FHIT: variants seen among roughly 807,000 people sequenced by gnomAD.
FHIT encodes bis(5'-adenosyl)-triphosphatase.
A neutral mutation model predicts 17.9 loss-of-function variants in FHIT; 19 were observed. The ratio of observed to expected loss-of-function variants is 1.06; its 90% CI spans 0.74 to 1.56. FHIT has a LOEUF of 1.56. FHIT is among the 40% of genes most tolerant of loss of function. The probability of loss-of-function intolerance (pLI) is 0.00; values close to 1 mark genes in which losing one functional copy is unlikely to be tolerated. For synonymous variants in FHIT, 81 were observed against 69.7 expected, an observed-to-expected ratio of 1.16 and a Z score of -0.81; for missense variants, 248 against 189.2, an observed-to-expected ratio of 1.31 and a Z score of -1.82.
intron 2 of FHIT, among the ~76,000 whole-genome samples, chr3:61,195,139 T>A (rs1021140198): frequency 6.6e-6 from 1 of 151,700 alleles, no homozygotes; most frequent in East Asian, 1.9e-4. Context: ...AAAAAAAAAG[T>A]CCCTTAAAGG....
intron 5 of FHIT, among the ~76,000 whole-genome samples, chr3:60,506,877 C>T (rs1451025791): frequency 6.6e-6 from 1 of 152,090 alleles, no homozygotes; most frequent in Non-Finnish European, 1.5e-5. Context: ...ACCAAGATTC[C>T]AGGTTGTTGC....
At chr3:61,167,863 C>T (rs1460223538) in intron 2 of FHIT, among the ~76,000 whole-genome samples, 1 of 152,104 alleles carries the variant, frequency 6.6e-6, no homozygotes, top group Non-Finnish European at 1.5e-5. Flanking sequence ...TAGGGATCAT[C>T]CACATTTTAC....
At chr3:61,032,449 C>G (rs534650470) in intron 3 of FHIT, among the ~76,000 whole-genome samples, 1 of 152,270 alleles carries the variant, frequency 6.6e-6, no homozygotes, top group South Asian at 2.1e-4. Flanking sequence ...ATCCTGAAGC[C>G]AGAGCACCTA....
chr3:61,179,065 C>T (rs990312677), intron 2 of FHIT, among the ~76,000 whole-genome samples: 4 of 140,056 alleles, frequency 2.9e-5, no homozygotes, highest in Admixed American at 7.7e-5. Context: ...GGATGGAATG[C>T]AGCAGTGCGA....
At chr3:60,708,557 A>C (rs1185697524) in intron 4 of FHIT, among the ~76,000 whole-genome samples, 4 of 152,200 alleles carry the variant, frequency 2.6e-5, no homozygotes, top group African/African-American at 4.8e-5. Flanking sequence ...GTGAAACCCT[A>C]TCCTGTAATT....
chr3:60,717,143 G>A (rs2041703018), intron 4 of FHIT, among the ~76,000 whole-genome samples: 1 of 152,168 alleles, frequency 6.6e-6, no homozygotes, highest in Non-Finnish European at 1.5e-5. Flanking sequence ...GGGCTGTGGT[G>A]TGGGAGAGGA....
At chr3:60,559,980 G>A (rs1021346586) in intron 4 of FHIT, among the ~76,000 whole-genome samples, 1 of 152,122 alleles carries the variant, frequency 6.6e-6, no homozygotes, top group Non-Finnish European at 1.5e-5. Flanking sequence ...AGAGCCCTAA[G>A]TTTAAACAAG....
chr3:60,168,949 G>T (rs1484301066), intron 5 of FHIT, among the ~76,000 whole-genome samples: 1 of 152,172 alleles, frequency 6.6e-6, no homozygotes, highest in Non-Finnish European at 1.5e-5. Flanking sequence ...GACATATCGG[G>T]ATGTGTGCTG....
intron 5 of FHIT, among the ~76,000 whole-genome samples, chr3:60,101,117 G>C (rs1244486023): frequency 6.6e-6 from 1 of 152,144 alleles, no homozygotes; most frequent in African/African-American, 2.4e-5. Context: ...TGACCTGCCG[G>C]CCCCCGCTCC....
intron 7 of FHIT, among the ~76,000 whole-genome samples, chr3:59,952,403 A>C (rs1423449774): frequency 6.6e-6 from 1 of 151,326 alleles, no homozygotes; most frequent in Non-Finnish European, 1.5e-5. Context: ...CCCCACTCCC[A>C]GTCAGCCATC....
At chr3:61,034,976 ACT>A (rs1285061557) in intron 3 of FHIT, among the ~76,000 whole-genome samples, 5 of 152,326 alleles carry the variant, frequency 3.3e-5, no homozygotes, top group African/African-American at 1.2e-4. Context: ...AAAGGAATAA[ACT>A]TCTGATACAT....
intron 5 of FHIT, among the ~76,000 whole-genome samples, chr3:60,395,859 A>G (rs922489210): frequency 6.6e-6 from 1 of 152,182 alleles, no homozygotes; most frequent in Non-Finnish European, 1.5e-5. Context: ...CCATTTTTCC[A>G]GCTTGGACAG....
chr3:60,697,215 T>A (rs542196101), intron 4 of FHIT, among the ~76,000 whole-genome samples: 1 of 152,268 alleles, frequency 6.6e-6, no homozygotes, highest in South Asian at 2.1e-4. Context: ...GTAATAAAGG[T>A]ATCAATTAAT....
chr3:60,652,476 G>A (rs1202342964), intron 4 of FHIT, among the ~76,000 whole-genome samples: 1 of 152,126 alleles, frequency 6.6e-6, no homozygotes, highest in African/African-American at 2.4e-5. Context: ...GGTCACGCCT[G>A]TAATCCCAGC....
At chr3:60,823,564 T>C (rs1175003079) in intron 3 of FHIT, among the ~76,000 whole-genome samples, 8 of 152,064 alleles carry the variant, frequency 5.3e-5, no homozygotes, top group African/African-American at 1.2e-4. Flanking sequence ...AAGCCAAGGA[T>C]TGCCAGCAAA....
intron 5 of FHIT, among the ~76,000 whole-genome samples, chr3:60,104,264 A>C (rs1031067258): frequency 1.3e-5 from 2 of 152,162 alleles, no homozygotes; most frequent in Non-Finnish European, 2.9e-5. Context: ...ACACATCATC[A>C]ATCAACCAGT....
chr3:60,350,858 T>C (rs925916962), intron 5 of FHIT, among the ~76,000 whole-genome samples: 5 of 152,218 alleles, frequency 3.3e-5, no homozygotes, highest in African/African-American at 1.2e-4. Flanking sequence ...ATGTTACTGC[T>C]ATGATTATGT....
In FHIT at chr3:60,769,625, A is replaced by G. The variant is rs183271461; in HGVS notation, c.-18+52294T>C. On this transcript the variant is annotated intron_variant, in intron 4 of 9. Coordinates refer to ENST00000492590, the MANE Select transcript of FHIT (RefSeq NM_002012.4). Reference sequence around the variant, plus strand: ...ACAAATTTATAGACAAAAAAGGTAAAGTGACGTACAGGAATCAGAAGTCGG... The same window carrying G: ...ACAAATTTATAGACAAAAAAGGTAAGGTGACGTACAGGAATCAGAAGTCGG... Among the ~76,000 whole-genome samples, 235 of 152,350 alleles carry G rather than the reference A, an allele frequency of 1.5e-3. 3 individuals carry two copies. The highest frequency in any genetic ancestry group is 5.1e-3 in the African/African-American group (210 of 41,580).
chr3:61,036,316 C>A (rs1389523482), intron 3 of FHIT, among the ~76,000 whole-genome samples: 1 of 150,832 alleles, frequency 6.6e-6, no homozygotes, highest in African/African-American at 2.5e-5. Context: ...GAGGGATCAG[C>A]CCCCCCTGAT....
Sources: allele counts gnomAD v4.1 joint callset (sites outside exome capture counted in the v4.1 genomes callset), GRCh38; gene constraint gnomAD v4.1.1; transcripts MANE v1.5; gene names NCBI Gene and HGNC (gene_info 2026-07-23, HGNC 2026-07-21).